Variants in C8orf89 observed in about 807,000 individuals in gnomAD.
C8orf89 encodes the protein putative uncharacterized protein C8orf89.
A neutral mutation model predicts 15.8 loss-of-function variants in C8orf89; 14 were observed. The ratio of observed to expected loss-of-function variants is 0.89; its 90% CI spans 0.59 to 1.39. C8orf89 has a LOEUF of 1.39. Among genes scored for constraint, C8orf89 ranks in the 40% most tolerant of loss-of-function variants. The pLI is 0.00. For synonymous variants in C8orf89, 55 were observed against 62.2 expected (o/e 0.88, Z 0.54); for missense variants, 181 against 184.5 (o/e 0.98, Z 0.11).
intron 2 of C8orf89, among the ~76,000 whole-genome samples, chr8:73,255,687 T>C (rs1813359890): frequency 2.0e-5 from 3 of 149,716 alleles, no homozygotes; most frequent in South Asian, 4.3e-4. Context: ...CTATTCACAA[T>C]AGCAAAGACT....
At chr8:73,260,397 G>A (rs1159665462), upstream of C8orf89, among the ~76,000 whole-genome samples, 1 of 151,968 alleles carries the variant, frequency 6.6e-6, no homozygotes, top group African/African-American at 2.4e-5. Flanking sequence ...TGGGGTGGGG[G>A]AGGGGGCAGG....
At chr8:73,276,068 T>C in the C8orf89 span, among the ~76,000 whole-genome samples, 8 of 152,262 alleles carry the variant, frequency 5.3e-5, no homozygotes, top group Middle Eastern at 3.4e-3. Flanking sequence ...TCCCTTGTTT[T>C]ATGAAGCTTC....
chr8:73,255,231 C>T (rs1420221616), intron 2 of C8orf89, among the ~76,000 whole-genome samples: 1 of 151,950 alleles, frequency 6.6e-6, no homozygotes, highest in Non-Finnish European at 1.5e-5. Flanking sequence ...TGAAAAAGGG[C>T]TAATATCCAG....
the C8orf89 span, among the ~76,000 whole-genome samples, chr8:73,281,796 G>A: frequency 6.6e-6 from 1 of 152,196 alleles, no homozygotes; most frequent in Non-Finnish European, 1.5e-5. Context: ...GTTTGTTCTA[G>A]GAAGTGGCTG....
At chr8:73,281,315 G>A in the C8orf89 span, among the ~76,000 whole-genome samples, 6 of 152,056 alleles carry the variant, frequency 3.9e-5, no homozygotes, top group South Asian at 1.2e-3. Context: ...TCTTATAATA[G>A]AAAAGAGAAT....
At chr8:73,281,834 T>G in the C8orf89 span, among the ~76,000 whole-genome samples, 1 of 152,188 alleles carries the variant, frequency 6.6e-6, no homozygotes, top group Admixed American at 6.5e-5. Flanking sequence ...TGTGAGCCAA[T>G]GTAATGTGTA....
chr8:73,285,814 G>T, the C8orf89 span, among the ~76,000 whole-genome samples: 1 of 152,218 alleles, frequency 6.6e-6, no homozygotes, highest in Admixed American at 6.5e-5. Context: ...GGGCGGGACA[G>T]GTGATGCAGG....
upstream of C8orf89, among the ~76,000 whole-genome samples, chr8:73,264,090 C>T (rs942506043): frequency 1.3e-5 from 2 of 152,160 alleles, no homozygotes; most frequent in African/African-American, 4.8e-5. Flanking sequence ...TCACAGCCTT[C>T]TTGTGCTTAG....
intron 2 of C8orf89, among the ~76,000 whole-genome samples, chr8:73,255,463 GA>G (rs1181853574): frequency 1.1e-4 from 17 of 152,270 alleles, no homozygotes; most frequent in Non-Finnish European, 1.8e-4. Flanking sequence ...AAAAAGTCAG[GA>G]AACAACAGGT....
In C8orf89 at chr8:73,250,206, A is replaced by T. The variant is rs28720763; in HGVS notation, c.337+62T>A. Reference sequence around the variant, plus strand: ...CAATGAAAAGAAAGGAATTTTTTTTAAAAAAAGATAAGGTATATGACACCC... The same window carrying T: ...CAATGAAAAGAAAGGAATTTTTTTTTAAAAAAGATAAGGTATATGACACCC... On this transcript the variant is annotated intron_variant, in intron 3 of 3. Coordinates refer to ENST00000624510, the MANE Select transcript of C8orf89 (RefSeq NM_001243237.3). 6.8e-3 allele frequency: 6,913 copies of T among 1,016,892 alleles called. 194 individuals are homozygous for T. The African/African-American group carries it at 0.078, about 11-fold the overall frequency. The allele number at this position is 1,016,892 out of a possible 1,614,324, so 63.0% of individuals were successfully genotyped here.
At chr8:73,274,285 G>A in the C8orf89 span, among the ~76,000 whole-genome samples, 17 of 152,102 alleles carry the variant, frequency 1.1e-4, no homozygotes, top group South Asian at 3.5e-3. Context: ...CCGAGTAGCT[G>A]GGACTACAGG....
chr8:73,277,502 C>G, the C8orf89 span: 1 of 804,592 alleles, frequency 1.2e-6, no homozygotes, highest in Non-Finnish European at 2.1e-6. Context: ...ACCACGAAAA[C>G]TTCCCTGAGG....
At chr8:73,266,062 A>G in the C8orf89 span, among the ~76,000 whole-genome samples, 1 of 152,218 alleles carries the variant, frequency 6.6e-6, no homozygotes, top group African/African-American at 2.4e-5. Flanking sequence ...ACATCCAGTC[A>G]CATTCCCACA....
intron 3 of C8orf89, among the ~76,000 whole-genome samples, chr8:73,244,724 T>C (rs182053080): frequency 5.9e-5 from 9 of 152,294 alleles, no homozygotes; most frequent in Non-Finnish European, 1.2e-4. Flanking sequence ...TCAGGACTTC[T>C]GTTCTTAGCA....
At chr8:73,260,611 G>A (rs970113649), upstream of C8orf89, among the ~76,000 whole-genome samples, 1 of 152,190 alleles carries the variant, frequency 6.6e-6, no homozygotes, top group African/African-American at 2.4e-5. Context: ...TAAGGGTGCC[G>A]TGGGAGCACA....
At position 73,257,168 on chromosome 8, in the gene C8orf89, C is replaced by G. The variant is rs1032673425; in HGVS notation, c.128-42G>C. The G allele has an allele frequency of 2.2e-6, 3 of 1,334,878 alleles. No homozygotes were observed. The African/African-American group carries it at 4.5e-5, about 20-fold the overall frequency. 82.7% of individuals were successfully genotyped at this position (1,334,878 alleles called of 1,614,324 possible). A position where few individuals can be genotyped will look rare whatever the true frequency, so the allele number is the denominator to read the frequency against. ...AAGAATCATCTTGATTAAATGCATA[C>G]TACTTGTTTTACTGCATCCTAAAAC... On this transcript the variant is annotated intron_variant, in intron 1 of 3. Transcript: ENST00000624510.
At chr8:73,279,220 C>T in the C8orf89 span, among the ~76,000 whole-genome samples, 2 of 152,180 alleles carry the variant, frequency 1.3e-5, no homozygotes, top group Non-Finnish European at 2.9e-5. Flanking sequence ...ATTCTGTAAT[C>T]TTTGCAAACT....
chr8:73,279,352 G>C, the C8orf89 span, among the ~76,000 whole-genome samples: 1 of 152,116 alleles, frequency 6.6e-6, no homozygotes, highest in Non-Finnish European at 1.5e-5. Flanking sequence ...TACCAGACCA[G>C]CTAAAATGTC....
chr8:73,268,154 G>A, the C8orf89 span, among the ~76,000 whole-genome samples: 1 of 152,178 alleles, frequency 6.6e-6, no homozygotes, highest in African/African-American at 2.4e-5. Context: ...CGTATAGGGG[G>A]TAGGGATAAT....
Sources: gnomAD v4.1 joint callset for allele counts (sites outside exome capture counted in the v4.1 genomes callset) on GRCh38, gnomAD v4.1.1 for gene constraint, MANE v1.5 for transcripts, NCBI Gene and HGNC (gene_info 2026-07-23, HGNC 2026-07-21) for gene names.